KIAA1217: variants seen among roughly 807,000 people sequenced by gnomAD.
KIAA1217 encodes sickle tail protein homolog.
In KIAA1217, 88 loss-of-function variants were observed where a neutral mutation model predicts 163.9. That is an observed-to-expected ratio of 0.54 (90% CI 0.45 to 0.64). The LOEUF (loss-of-function observed/expected upper bound fraction) is 0.64, where lower values mean the gene tolerates loss of function less well. Among genes scored for constraint, KIAA1217 ranks in the 30% least tolerant of loss-of-function variants. KIAA1217 has a pLI of 0.00. For missense variants in KIAA1217, 2,372 were observed against 2,475.0 expected (o/e 0.96, Z 0.88); for synonymous variants, 903 against 923.1 (o/e 0.98, Z 0.39).
chr10:23,805,114 T>C (rs555000657), intron 1 of KIAA1217, among the ~76,000 whole-genome samples: 1 of 151,964 alleles, frequency 6.6e-6, no homozygotes, highest in South Asian at 2.1e-4. Context: ...TAAAAAGAGG[T>C]GAAATACTAA....
At chr10:24,334,517 T>A (rs2046109525) in intron 2 of KIAA1217, among the ~76,000 whole-genome samples, 1 of 151,978 alleles carries the variant, frequency 6.6e-6, no homozygotes, top group South Asian at 2.1e-4. Flanking sequence ...CCTTTTCCTA[T>A]CACAACTATG....
chr10:24,472,483 C>T (rs1252488608), intron 5 of KIAA1217, among the ~76,000 whole-genome samples: 1 of 152,118 alleles, frequency 6.6e-6, no homozygotes, highest in Non-Finnish European at 1.5e-5. Context: ...TACTATTTCC[C>T]AGGGCTAACA....
intron 2 of KIAA1217, among the ~76,000 whole-genome samples, chr10:24,311,840 G>A (rs1212954683): frequency 6.6e-6 from 1 of 152,148 alleles, no homozygotes; most frequent in Non-Finnish European, 1.5e-5. Flanking sequence ...GCTTCTTGTA[G>A]GCTTGAAAAG....
intron 1 of KIAA1217, among the ~76,000 whole-genome samples, chr10:23,950,391 AT>A (rs922087887): frequency 2.6e-4 from 39 of 148,812 alleles, no homozygotes; most frequent in Admixed American, 1.6e-3. Flanking sequence ...CAATCACATC[AT>A]TTTTTTTTTA....
intron 2 of KIAA1217, among the ~76,000 whole-genome samples, chr10:24,345,546 T>C (rs938853566): frequency 2.0e-5 from 3 of 152,346 alleles, no homozygotes; most frequent in Admixed American, 2.0e-4. Flanking sequence ...TCCGACTTGA[T>C]TGAGTGCAGA....
intron 2 of KIAA1217, chr10:24,255,347 G>A: frequency 6.5e-6 from 2 of 305,902 alleles, no homozygotes; most frequent in African/African-American, 2.2e-5. Flanking sequence ...ATCCTGAGCG[G>A]CTGACTGTCA....
intron 2 of KIAA1217, among the ~76,000 whole-genome samples, chr10:24,094,677 C>A (rs1394152228): frequency 1.3e-5 from 2 of 152,204 alleles, no homozygotes; most frequent in South Asian, 4.1e-4. Flanking sequence ...GCTCGGGGGT[C>A]AGGGGTCAGG....
intron 2 of KIAA1217, among the ~76,000 whole-genome samples, chr10:24,147,480 T>C (rs867349375): frequency 1.2e-4 from 18 of 152,164 alleles, no homozygotes; most frequent in South Asian, 2.1e-4. Context: ...AGATGTGCTA[T>C]GTCTAAATTG....
intron 6 of KIAA1217, among the ~76,000 whole-genome samples, chr10:24,476,082 A>T (rs564860333): frequency 6.6e-6 from 1 of 152,268 alleles, no homozygotes; most frequent in Admixed American, 6.5e-5. Flanking sequence ...CGGTTCTTGG[A>T]TGATAAAAAC....
chr10:24,258,049 T>TATA (rs1236427296), intron 2 of KIAA1217, among the ~76,000 whole-genome samples: 5 of 152,076 alleles, frequency 3.3e-5, no homozygotes, highest in African/African-American at 1.2e-4. Context: ...GGGATAGTGG[T>TATA]GCATACCTAT....
At chr10:24,446,506 G>A (rs1022744473) in intron 5 of KIAA1217, among the ~76,000 whole-genome samples, 22 of 152,146 alleles carry the variant, frequency 1.4e-4, no homozygotes, top group East Asian at 7.7e-4. Context: ...CAGTGTTCTT[G>A]TTGAGAAGAG....
intron 1 of KIAA1217, among the ~76,000 whole-genome samples, chr10:23,997,236 G>A (rs937385880): frequency 7.2e-5 from 11 of 152,184 alleles, no homozygotes; most frequent in Admixed American, 6.5e-5. Context: ...ATTTTCAGGA[G>A]AAGGGTTACA....
chr10:23,854,956 G>C (rs1443835793), intron 1 of KIAA1217, among the ~76,000 whole-genome samples: 1 of 152,180 alleles, frequency 6.6e-6, no homozygotes, highest in African/African-American at 2.4e-5. Context: ...GATGGGTCTT[G>C]ACTCTTTGTC....
intron 2 of KIAA1217, among the ~76,000 whole-genome samples, chr10:24,371,788 T>A (rs542524132): frequency 6.6e-6 from 1 of 152,352 alleles, no homozygotes; most frequent in South Asian, 2.1e-4. Context: ...ACAGGAATCC[T>A]TCTGGATTCT....
intron 2 of KIAA1217, among the ~76,000 whole-genome samples, chr10:24,348,577 G>C (rs1387447149): frequency 2.0e-5 from 3 of 152,046 alleles, no homozygotes; most frequent in African/African-American, 7.2e-5. Flanking sequence ...TTTACCTAAA[G>C]ATACAGGGAA....
chr10:24,508,639 C>A (rs1180603202), intron 9 of KIAA1217, among the ~76,000 whole-genome samples: 2 of 152,148 alleles, frequency 1.3e-5, no homozygotes, highest in African/African-American at 2.4e-5. Context: ...TGAGCAAGAT[C>A]ACAAGAATCA....
chr10:24,263,345 G>C (rs966042941), intron 2 of KIAA1217, among the ~76,000 whole-genome samples: 1 of 152,326 alleles, frequency 6.6e-6, no homozygotes, highest in African/African-American at 2.4e-5. Context: ...TTTCATGGGG[G>C]CTGGGGGAAG....
At chr10:23,789,869 C>A (rs988084732) in intron 1 of KIAA1217, among the ~76,000 whole-genome samples, 3 of 149,554 alleles carry the variant, frequency 2.0e-5, no homozygotes, top group Admixed American at 1.3e-4. Context: ...GAAAATAGTT[C>A]CCTTCATATA....
At chr10:24,321,547 A>C (rs1341080903) in intron 2 of KIAA1217, among the ~76,000 whole-genome samples, 2 of 152,200 alleles carry the variant, frequency 1.3e-5, no homozygotes, top group Non-Finnish European at 2.9e-5. Flanking sequence ...AGGAAAAAAA[A>C]GGAGCCAAAG....
Sources: gnomAD v4.1 joint callset for allele counts (sites outside exome capture counted in the v4.1 genomes callset) on GRCh38, gnomAD v4.1.1 for gene constraint, MANE v1.5 for transcripts, NCBI Gene and HGNC (gene_info 2026-07-23, HGNC 2026-07-21) for gene names.